The following FAM186A variants were observed in gnomAD, a reference collection of about 807,000 sequenced individuals.
FAM186A encodes family with sequence similarity 186 member A, also known as protein FAM186A.
FAM186A carries 163 observed loss-of-function variants against 216.8 expected under a neutral mutation model. The ratio of observed to expected loss-of-function variants is 0.75; its 90% CI spans 0.66 to 0.86. The LOEUF is 0.86. Among genes scored for constraint, FAM186A ranks in the 40% least tolerant of loss-of-function variants. The probability of loss-of-function intolerance (pLI) is 0.00; values close to 1 mark genes in which losing one functional copy is unlikely to be tolerated. For missense variants in FAM186A, 2,184 were observed against 2,746.2 expected (o/e 0.80, Z 4.58); for synonymous variants, 805 against 1,025.3 (o/e 0.79, Z 4.10).
At position 50,350,857 on chromosome 12, in the gene FAM186A, T is replaced by C; in HGVS notation, c.5975A>G (p.Glu1992Gly). ...PFTTKKFQMS[E>G]VSDTSEETQI... The stretch of plus-strand genomic sequence containing the variant: ...GGTTTCTTCGGAAGTGTCAGAGACC[T>C]CCGACATTTGGAACTTCTTAGTGGT... The change falls in exon 4 of 8, where the codon GAG (glutamate) becomes GGG (glycine). Residue 1992 changes from glutamate to glycine, a missense_variant. Glu to Gly is a moderately conservative substitution (Grantham distance 98, BLOSUM62 -2). This residue lies in a region of FAM186A where 721 missense variants were observed against 816.4 expected (regional missense o/e 0.88). Transcript: ENST00000327337. 6.4e-7 allele frequency: 1 copy of C among 1,551,710 alleles called. No individual in the cohort carries two copies.
At chr12:50,339,235 T>C (rs1276213485) in intron 4 of FAM186A, among the ~76,000 whole-genome samples, 1 of 152,310 alleles carries the variant, frequency 6.6e-6, no homozygotes, top group Middle Eastern at 3.4e-3. Context: ...CAGGCTGGTC[T>C]TGAACTCCTA....
Position 50,355,850 on chromosome 12 carries a change from C to T in FAM186A, c.982G>A (p.Glu328Lys). The change falls in exon 4 of 8, where the codon GAA (glutamate) becomes AAA (lysine). Residue 328 changes from glutamate to lysine, a missense_variant. Glu to Lys is a moderately conservative substitution (Grantham distance 56). Coordinates refer to ENST00000327337, the MANE Select transcript of FAM186A (RefSeq NM_001145475.3). ...ACAATTTTGGATCGAATAAGTTGTT[C>T]ACATTTTTCTTCTGCATCTTGAAGT... ...QKLQDAEEKCEQLIRSKIVIE... is the reference protein window; with the variant it reads ...QKLQDAEEKCKQLIRSKIVIE... The T allele has an allele frequency of 6.4e-7, 1 of 1,551,168 alleles. No homozygotes were observed. The highest frequency in any genetic ancestry group is 1.2e-5 in the South Asian group (1 of 83,922).
At chr12:50,362,250 G>A (rs1196740335) in intron 2 of FAM186A, among the ~76,000 whole-genome samples, 2 of 151,710 alleles carry the variant, frequency 1.3e-5, no homozygotes, top group East Asian at 2.0e-4. Flanking sequence ...TAGGATTACA[G>A]GCGTGAGCCA....
intron 1 of FAM186A, among the ~76,000 whole-genome samples, chr12:50,370,123 C>CAAACA (rs1943129459): frequency 2.6e-5 from 1 of 38,442 alleles, no homozygotes; most frequent in Non-Finnish European, 4.0e-5. Context: ...GACTCCATCT[C>CAAACA]AAAAAAAAAA....
chr12:50,394,210 A>G (rs1943390568), intron 1 of FAM186A, among the ~76,000 whole-genome samples: 1 of 152,086 alleles, frequency 6.6e-6, no homozygotes, highest in African/African-American at 2.4e-5. Flanking sequence ...TGAGCTACTT[A>G]CCACACCTGG....
At position 50,355,629 on chromosome 12, in the gene FAM186A, C is replaced by G. The variant is rs1343587010; in HGVS notation, c.1203G>C (p.Trp401Cys). The G allele has an allele frequency of 6.4e-7, 1 of 1,551,416 alleles. No homozygotes were observed. The highest frequency in any genetic ancestry group is 2.0e-5 in the Admixed American group (1 of 50,966). Residue 401 changes from tryptophan to cysteine, a missense_variant, in exon 4 of 8, where the codon TGG (tryptophan) becomes TGC (cysteine). By Grantham distance (215) the Trp-to-Cys change is radical. This residue lies in a region of FAM186A where 1,132 missense variants were observed against 1,263.4 expected (regional missense o/e 0.90). Coordinates refer to ENST00000327337, the MANE Select transcript of FAM186A (RefSeq NM_001145475.3). ...GGGCTGTATATGAAATAGTGGAGTC[C>G]CATTTTATCCCAGAGTCCTTGGTCT... Reference protein sequence around the residue: ...RKETKDSGIKWDSTISYTAQA... With the variant: ...RKETKDSGIKCDSTISYTAQA...
chr12:50,379,035 T>C (rs1943227940), intron 1 of FAM186A, among the ~76,000 whole-genome samples: 1 of 152,236 alleles, frequency 6.6e-6, no homozygotes, highest in Non-Finnish European at 1.5e-5. Flanking sequence ...CTGGGTGCAG[T>C]GGCTCACGCC....
chr12:50,337,673 G>C (rs543819959), intron 4 of FAM186A, among the ~76,000 whole-genome samples: 1 of 151,684 alleles, frequency 6.6e-6, no homozygotes, highest in South Asian at 2.1e-4. Flanking sequence ...TGAGGCGGGC[G>C]GATCACAAGG....
At chr12:50,358,399 G>A (rs1189030872) in intron 3 of FAM186A, among the ~76,000 whole-genome samples, 1 of 151,174 alleles carries the variant, frequency 6.6e-6, no homozygotes, top group Non-Finnish European at 1.5e-5. Context: ...TGGACAACAC[G>A]ATGAGACTCT....
chr12:50,351,602 C>T lies in FAM186A; in HGVS notation c.5230G>A (p.Ala1744Thr), dbSNP rs1289255068. The T allele has an allele frequency of 1.9e-6, 3 of 1,551,436 alleles. No individual in the cohort carries two copies. The highest frequency in any genetic ancestry group is 2.0e-5 in the Admixed American group (1 of 50,980). The change falls in exon 4 of 8, where the codon GCT becomes ACT. Residue 1744 changes from alanine (A) to threonine (T), a missense_variant. By Grantham distance (58) the Ala-to-Thr change is moderately conservative (BLOSUM62 0). This residue lies in a region of FAM186A where 721 missense variants were observed against 816.4 expected (regional missense o/e 0.88). Coordinates refer to ENST00000327337, the MANE Select transcript of FAM186A (RefSeq NM_001145475.3). ...ATAGAGGACTTCTCAGCAGTAGGAG[C>T]TGATGATGCCAGGGACAGCCTAAGA... ...PSLRLSLASSAPTAEKSSIFG... is the reference protein window; with the variant it reads ...PSLRLSLASSTPTAEKSSIFG...
Position 50,333,952 on chromosome 12 carries a change from G to A in FAM186A, c.6655C>T (p.Arg2219Trp), listed in dbSNP as rs961715912. The part of the protein sequence containing the change: ...TEKQKSLGQK[R>W]NQCLKKMIHV... ...ATCATTTTCTTCAGGCACTGATTCC[G>A]TTTCTGCCCTAGAGACTTCTGCTTC... is the stretch of plus-strand genomic sequence containing the variant. Residue 2219 changes from arginine to tryptophan, a missense_variant, in exon 5 of 8, where the codon CGG (arginine) becomes TGG (tryptophan). Around this residue, in one of 7 missense-constraint regions of FAM186A, gnomAD observed 721 missense variants for 816.4 expected, o/e 0.88. Coordinates refer to ENST00000327337, the MANE Select transcript of FAM186A (RefSeq NM_001145475.3). 2.5e-5 allele frequency: 39 copies of A among 1,551,280 alleles called. No individual in the cohort carries two copies. The highest frequency in any genetic ancestry group is 6.8e-5 in the African/African-American group (5 of 73,008).
intron 3 of FAM186A, among the ~76,000 whole-genome samples, chr12:50,358,971 T>C (rs1320448881): frequency 2.6e-5 from 4 of 150,970 alleles, no homozygotes; most frequent in African/African-American, 7.3e-5. Flanking sequence ...GGCAAGTACT[T>C]GAATAGATAT....
At chr12:50,362,727 C>G (rs1449937962) in intron 2 of FAM186A, among the ~76,000 whole-genome samples, 20 of 105,976 alleles carry the variant, frequency 1.9e-4, no homozygotes, top group African/African-American at 7.3e-4. Context: ...CTGGGTAACA[C>G]AGTGAGAACC....
intron 6 of FAM186A, among the ~76,000 whole-genome samples, chr12:50,331,272 C>T (rs370269157): frequency 6.6e-6 from 1 of 152,026 alleles, no homozygotes; most frequent in African/African-American, 2.4e-5. Flanking sequence ...GACAGAGTTT[C>T]GCTGTTGCCC....
At chr12:50,368,090 A>G (rs1190283384) in intron 1 of FAM186A, among the ~76,000 whole-genome samples, 1 of 151,288 alleles carries the variant, frequency 6.6e-6, no homozygotes, top group Non-Finnish European at 1.5e-5. Flanking sequence ...GGTTGCAGTG[A>G]GCTGAGATCA....
chr12:50,389,781 A>G (rs1035363139), intron 1 of FAM186A, among the ~76,000 whole-genome samples: 25 of 152,230 alleles, frequency 1.6e-4, no homozygotes, highest in African/African-American at 4.6e-4. Context: ...TAAGCTTACA[A>G]TAATCCACTG....
At chr12:50,356,281 AT>A (rs1461735173) in intron 3 of FAM186A, 33 bp from the exon 4 acceptor site, 11 of 1,480,490 alleles carry the variant, frequency 7.4e-6, no homozygotes, top group East Asian at 2.5e-5. Flanking sequence ...GTGAGATGGC[AT>A]TTTTTTCTTT....
chr12:50,361,843 T>A (rs924338161), intron 2 of FAM186A, among the ~76,000 whole-genome samples: 1 of 152,252 alleles, frequency 6.6e-6, no homozygotes, highest in Middle Eastern at 3.4e-3. Flanking sequence ...AGTGCTGGGA[T>A]TACCAGCATG....
intron 1 of FAM186A, among the ~76,000 whole-genome samples, chr12:50,376,594 A>G (rs1592628530): frequency 6.6e-6 from 1 of 152,272 alleles, no homozygotes; most frequent in Non-Finnish European, 1.5e-5. Context: ...GAGGAAGTGC[A>G]TGCTGACTGG....
Sources: allele counts gnomAD v4.1 joint callset (sites outside exome capture counted in the v4.1 genomes callset), GRCh38; gene constraint gnomAD v4.1.1; regional missense constraint gnomAD v4.1.1; transcripts MANE v1.5; gene names NCBI Gene and HGNC (gene_info 2026-07-23, HGNC 2026-07-21).